The following LMNTD1 variants were observed in gnomAD, a reference collection of about 807,000 sequenced individuals.
LMNTD1 encodes the protein lamin tail domain-containing protein 1.
A neutral mutation model predicts 50.9 loss-of-function variants in LMNTD1; 35 were observed. The ratio of observed to expected loss-of-function variants is 0.69; its 90% CI spans 0.53 to 0.91. The LOEUF is 0.91. Among genes scored for constraint, LMNTD1 ranks in the 40% least tolerant of loss-of-function variants. The pLI is 0.00. For missense variants in LMNTD1, 470 were observed against 475.5 expected, an observed-to-expected ratio of 0.99 and a Z score of 0.11; for synonymous variants, 153 against 161.9, an observed-to-expected ratio of 0.94 and a Z score of 0.42.
chr12:25,571,884 T>A (rs1481101160), intron 1 of LMNTD1, among the ~76,000 whole-genome samples: 1 of 152,202 alleles, frequency 6.6e-6, no homozygotes, highest in East Asian at 1.9e-4. Context: ...TTAGCCATGC[T>A]GGTCTCAAAC....
chr12:25,493,649 C>T (rs6487494), intron 9 of LMNTD1, among the ~76,000 whole-genome samples: 28,376 of 152,090 alleles, frequency 0.19, 2,849 homozygotes, highest in Middle Eastern at 0.25. Context: ...CAGACATTCC[C>T]GTTCCCAATG....
chr12:25,560,926 T>C (rs1442854408), intron 1 of LMNTD1, among the ~76,000 whole-genome samples: 1 of 152,186 alleles, frequency 6.6e-6, no homozygotes, highest in South Asian at 2.1e-4. Context: ...CTTAAGGAGA[T>C]TTTGGCCTGA....
chr12:25,637,903 A>C (rs1483855504), intron 1 of LMNTD1, among the ~76,000 whole-genome samples: 1 of 152,112 alleles, frequency 6.6e-6, no homozygotes, highest in East Asian at 1.9e-4. Context: ...AGACATCACA[A>C]GAAAACCACA....
intron 2 of LMNTD1, among the ~76,000 whole-genome samples, chr12:25,551,975 C>T (rs1044645929): frequency 5.3e-5 from 8 of 152,216 alleles, no homozygotes; most frequent in Admixed American, 1.3e-4. Context: ...CTTTGGGAGA[C>T]GCTGCATTGA....
chr12:25,601,796 T>A (rs1055494932), intron 1 of LMNTD1, among the ~76,000 whole-genome samples: 9 of 151,930 alleles, frequency 5.9e-5, no homozygotes, highest in Non-Finnish European at 1.2e-4. Context: ...ATTTATTTAC[T>A]TTTTAATCAA....
chr12:25,623,034 C>A (rs1018258), intron 1 of LMNTD1, among the ~76,000 whole-genome samples: 96,906 of 151,756 alleles, frequency 0.64, 31,203 homozygotes, highest in Non-Finnish European at 0.68. Flanking sequence ...AAAGAGTTAG[C>A]TGTAATAAGA....
intron 4 of LMNTD1, among the ~76,000 whole-genome samples, chr12:25,530,741 T>C (rs1057204194): frequency 6.6e-6 from 1 of 152,226 alleles, no homozygotes; most frequent in African/African-American, 2.4e-5. Context: ...TAACCCTTTG[T>C]GGTAAGCAAA....
chr12:25,552,904 T>C lies in LMNTD1; in HGVS notation c.56A>G (p.His19Arg). ...TTTCTCATTCTTATCTTCCTGCTCA[T>C]GGACTTTATTCTGCATTGCCTTCGA... is the stretch of plus-strand genomic sequence containing the variant. The part of the protein sequence containing the change: ...EASKAMQNKV[H>R]EQEDKNEKQK... The change falls in exon 2 of 10, where the codon CAT becomes CGT. Residue 19 changes from histidine (H) to arginine (R), a missense_variant. His to Arg is a conservative substitution (Grantham distance 29). Transcript: ENST00000458174. 6.4e-7 allele frequency: 1 copy of C among 1,552,966 alleles called. No individual in the cohort carries two copies.
intron 1 of LMNTD1, among the ~76,000 whole-genome samples, chr12:25,603,534 C>A (rs537100388): frequency 1.3e-5 from 2 of 151,792 alleles, no homozygotes; most frequent in Admixed American, 6.6e-5. Context: ...ATTAATACAC[C>A]TTTTTTAAGT....
intron 1 of LMNTD1, among the ~76,000 whole-genome samples, chr12:25,561,627 G>T (rs919392104): frequency 7.2e-5 from 11 of 152,266 alleles, no homozygotes; most frequent in Admixed American, 4.6e-4. Flanking sequence ...GTTGATTTGG[G>T]GTGGAGAGTT....
chr12:25,608,033 A>G lies in LMNTD1; in HGVS notation c.58+40461T>C, dbSNP rs538881581. ...CTGGGTGCTCCTGTATTGGGTGCAT[A>G]TATATTTAGGATAGTTAGCTCTTCT... On this transcript the variant is annotated intron_variant, in intron 1 of 7. Coordinates refer to the LMNTD1 transcript ENST00000445693. Among the ~76,000 whole-genome samples the G allele has an allele frequency of 5.9e-5, 9 of 152,258 alleles. No homozygotes were observed. In the South Asian group the frequency reaches 1.9e-3, roughly 32 times the overall value.
chr12:25,515,236 A>C (rs964805693), intron 8 of LMNTD1, among the ~76,000 whole-genome samples: 1 of 152,044 alleles, frequency 6.6e-6, no homozygotes, highest in South Asian at 2.1e-4. Context: ...AAATTTTTTC[A>C]TCTATATTAT....
At chr12:25,489,205 T>C (rs1451659111) in intron 9 of LMNTD1, among the ~76,000 whole-genome samples, 1 of 151,746 alleles carries the variant, frequency 6.6e-6, no homozygotes, top group Non-Finnish European at 1.5e-5. Flanking sequence ...GCCTGGGCAA[T>C]GGCGGGCGCC....
chr12:25,646,572 G>A (rs1001448132), intron 1 of LMNTD1, among the ~76,000 whole-genome samples: 1 of 152,108 alleles, frequency 6.6e-6, no homozygotes, highest in African/African-American at 2.4e-5. Flanking sequence ...ACTCATGTGT[G>A]TTAACCCAAA....
intron 9 of LMNTD1, among the ~76,000 whole-genome samples, chr12:25,493,588 C>G (rs540594283): frequency 8.1e-4 from 124 of 152,294 alleles, no homozygotes; most frequent in Middle Eastern, 3.4e-3. Flanking sequence ...ATGGGTCCAC[C>G]AACTGAATTT....
chr12:25,524,534 C>T (rs1941572662), intron 6 of LMNTD1, among the ~76,000 whole-genome samples: 1 of 152,170 alleles, frequency 6.6e-6, no homozygotes. Flanking sequence ...TTAAAATCTG[C>T]ATTCCAGGAG....
intron 1 of LMNTD1, among the ~76,000 whole-genome samples, chr12:25,576,505 G>A (rs1945025603): frequency 6.6e-6 from 1 of 152,128 alleles, no homozygotes; most frequent in Non-Finnish European, 1.5e-5. Context: ...AGAAGTGTCT[G>A]TTCATATCAT....
chr12:25,505,140 C>G lies in LMNTD1; in HGVS notation c.1190-1340G>C, dbSNP rs143367658. ...TTTTGAAATTGAATGACAGGACTGT[C>G]AGTAGTGGTGGTGTCTGTCTGTTTC... is the stretch of plus-strand genomic sequence containing the variant. On this transcript the variant is annotated intron_variant, in intron 8 of 9. Transcript: ENST00000458174. Among the ~76,000 whole-genome samples, 621 of 152,168 alleles carry G rather than the reference C, an allele frequency of 4.1e-3. 1 individual carries two copies. Among genetic ancestry groups the G allele is most frequent in the African/African-American group, 0.014 (565 of 41,534 alleles).
intron 1 of LMNTD1, among the ~76,000 whole-genome samples, chr12:25,617,509 CACAG>C (rs1385286991): frequency 6.6e-6 from 1 of 152,010 alleles, no homozygotes; most frequent in East Asian, 1.9e-4. Flanking sequence ...AGGCAGGGTA[CACAG>C]ACACAGAGGC....
Sources: gnomAD v4.1 joint callset for allele counts (sites outside exome capture counted in the v4.1 genomes callset) on GRCh38, gnomAD v4.1.1 for gene constraint, MANE v1.5 for transcripts, NCBI Gene and HGNC (gene_info 2026-07-23, HGNC 2026-07-21) for gene names.